The following STS variants were observed in gnomAD, a reference collection of about 807,000 sequenced individuals.
STS encodes steryl-sulfatase.
In STS, 7 loss-of-function variants were observed where a neutral mutation model predicts 26.8. That is an observed-to-expected ratio of 0.26 (90% CI 0.15 to 0.49). STS has a LOEUF of 0.49. Among genes scored for constraint, STS ranks in the 20% least tolerant of loss-of-function variants. The pLI is 0.98. For synonymous variants in STS, 199 were observed against 189.4 expected (o/e 1.05, Z -0.42); for missense variants, 434 against 465.6 (o/e 0.93, Z 0.63).
At chrX:7,234,167 G>A (rs1438881418) in intron 2 of STS, among the ~76,000 whole-genome samples, 1 of 112,181 alleles carries the variant, frequency 8.9e-6, no homozygotes, top group Non-Finnish European at 1.9e-5. Context: ...GCTCTATGGC[G>A]TTTCATCCAG....
At chrX:7,341,155 C>T (rs1928263645) in intron 10 of STS, among the ~76,000 whole-genome samples, 2 of 111,691 alleles carry the variant, frequency 1.8e-5, no homozygotes, top group Admixed American at 1.9e-4. Flanking sequence ...AGTTGATGGC[C>T]AAGTTGGGAT....
intron 10 of STS, among the ~76,000 whole-genome samples, chrX:7,337,199 T>G (rs1391851613): frequency 8.9e-6 from 1 of 112,248 alleles, no homozygotes; most frequent in African/African-American, 3.2e-5. Flanking sequence ...GCTTCATGTT[T>G]AGTCATTTTG....
chrX:7,311,316 C>A (rs185673460), intron 8 of STS, among the ~76,000 whole-genome samples: 1 of 110,956 alleles, frequency 9.0e-6, no homozygotes, highest in African/African-American at 3.3e-5. Flanking sequence ...TTTCTGAGGA[C>A]TGACATAACT....
intron 6 of STS, among the ~76,000 whole-genome samples, chrX:7,270,977 CTCTT>C (rs1359023917): frequency 9.4e-6 from 1 of 106,504 alleles, no homozygotes; most frequent in African/African-American, 3.4e-5. Flanking sequence ...TGATGGATGT[CTCTT>C]TCTTCTTCTT....
chrX:7,214,375 T>G (rs1160418872), intron 2 of STS, among the ~76,000 whole-genome samples: 2 of 111,777 alleles, frequency 1.8e-5, no homozygotes, highest in Non-Finnish European at 3.8e-5. Flanking sequence ...CCTTATTGTC[T>G]CTGATTAATC....
intron 2 of STS, among the ~76,000 whole-genome samples, chrX:7,200,412 T>A (rs1335661434): frequency 9.0e-6 from 1 of 111,613 alleles, no homozygotes; most frequent in Non-Finnish European, 1.9e-5. Flanking sequence ...TGGAAAAACA[T>A]GCTTCAGCTT....
intron 6 of STS, among the ~76,000 whole-genome samples, chrX:7,275,747 A>G (rs765539529): frequency 9.0e-6 from 1 of 111,278 alleles, no homozygotes; most frequent in Admixed American, 9.6e-5. Context: ...ATAGAGGGTA[A>G]CAATAAGTCA....
intron 2 of STS, among the ~76,000 whole-genome samples, chrX:7,208,458 A>T (rs192513040): frequency 1.6e-4 from 18 of 111,965 alleles, no homozygotes; most frequent in Non-Finnish European, 2.6e-4. Flanking sequence ...TTATAGACTC[A>T]CAAGTAGTTA....
chrX:7,324,675 G>C (rs1601746432), intron 8 of STS, among the ~76,000 whole-genome samples: 1 of 111,517 alleles, frequency 9.0e-6, no homozygotes, highest in East Asian at 2.8e-4. Flanking sequence ...AAAAGAAGGA[G>C]GGTAAAATGA....
intron 2 of STS, among the ~76,000 whole-genome samples, chrX:7,208,553 T>C (rs955209748): frequency 1.8e-5 from 2 of 112,124 alleles, no homozygotes; most frequent in African/African-American, 6.5e-5. Flanking sequence ...TCAGCAGATC[T>C]TTTTTCTTGT....
At chrX:7,187,236 ATACACT>A (rs1358920173) in intron 1 of STS, among the ~76,000 whole-genome samples, 2 of 112,362 alleles carry the variant, frequency 1.8e-5, no homozygotes, top group Non-Finnish European at 3.8e-5. Flanking sequence ...CCTCTTCAAA[ATACACT>A]TTTTCACCCT....
chrX:7,210,729 TATA>T (rs1360479751), intron 2 of STS, among the ~76,000 whole-genome samples: 6 of 109,080 alleles, frequency 5.5e-5, no homozygotes, highest in African/African-American at 1.6e-4. Flanking sequence ...TTTAATACTT[TATA>T]ATATTTTAAT....
intron 1 of STS, among the ~76,000 whole-genome samples, chrX:7,162,274 G>A (rs1933259435): frequency 8.9e-6 from 1 of 111,938 alleles, no homozygotes; most frequent in African/African-American, 3.2e-5. Flanking sequence ...CAATGATGAA[G>A]CAGAAGTCCA....
upstream of STS, among the ~76,000 whole-genome samples, chrX:7,147,592 G>A (rs781186293): frequency 6.6e-4 from 74 of 112,483 alleles, no homozygotes; most frequent in Admixed American, 6.4e-3. Flanking sequence ...CAGCAACCTT[G>A]GAGCAGGCAG....
chrX:7,205,682 G>C (rs747355344), intron 2 of STS, among the ~76,000 whole-genome samples: 5 of 96,540 alleles, frequency 5.2e-5, no homozygotes, highest in South Asian at 5.2e-4. Flanking sequence ...TCTGTTGCAA[G>C]AGCAAGGCAC....
At chrX:7,233,016 C>A (rs1922136442) in intron 2 of STS, among the ~76,000 whole-genome samples, 2 of 111,332 alleles carry the variant, frequency 1.8e-5, no homozygotes. Context: ...TGAGACCTCC[C>A]CAGCCATGTG....
rs1259120867 is a variant in STS, at chrX:7,147,876, G to T, written c.-341G>T. The T allele has an allele frequency of 6.7e-5, 15 of 224,298 alleles. No individual in the cohort carries two copies. The highest frequency in any genetic ancestry group is 1.2e-4 in the Non-Finnish European group (15 of 121,974). The allele number at this position is 224,298 out of a possible 1,213,427, so 18.5% of individuals were successfully genotyped here. A position where few individuals can be genotyped will look rare whatever the true frequency, so the allele number is the denominator to read the frequency against. ...CCAGCCCGGACATGGGCCCGCGGGC[G>T]CTCCTGGCCGCCGCCCGACTTCGGG... On this transcript the variant is annotated 5_prime_UTR_variant, in exon 1 of 11. Coordinates refer to ENST00000674429, the MANE Select transcript of STS (RefSeq NM_001320752.2).
intron 1 of STS, among the ~76,000 whole-genome samples, chrX:7,161,039 T>G (rs1278785672): frequency 9.0e-6 from 1 of 111,344 alleles, no homozygotes; most frequent in South Asian, 3.8e-4. Context: ...TACCACAACC[T>G]CCACCTCCTG....
chrX:7,305,991 A>G (rs937906793), intron 8 of STS, among the ~76,000 whole-genome samples: 1 of 111,645 alleles, frequency 9.0e-6, no homozygotes, highest in Admixed American at 9.5e-5. Context: ...AACCCACAAT[A>G]GTATTTTGAG....
Sources: allele counts gnomAD v4.1 joint callset (sites outside exome capture counted in the v4.1 genomes callset), GRCh38; gene constraint gnomAD v4.1.1; transcripts MANE v1.5; gene names NCBI Gene and HGNC (gene_info 2026-07-23, HGNC 2026-07-21).